Variants in CTNNA3 observed in about 807,000 individuals in gnomAD.
CTNNA3 encodes catenin alpha-3.
CTNNA3 carries 76 observed loss-of-function variants against 95.7 expected under a neutral mutation model. The observed-to-expected ratio is 0.79, with a 90% confidence interval of 0.66 to 0.96. CTNNA3 has a LOEUF of 0.96. Among genes scored for constraint, CTNNA3 ranks in the 40% least tolerant of loss-of-function variants. The pLI is 0.00. For synonymous variants in CTNNA3, 431 were observed against 374.4 expected, an observed-to-expected ratio of 1.15 and a Z score of -1.74; for missense variants, 1,191 against 1,089.8, an observed-to-expected ratio of 1.09 and a Z score of -1.31.
intron 15 of CTNNA3, among the ~76,000 whole-genome samples, chr10:65,992,461 A>G (rs2078564778): frequency 6.6e-6 from 1 of 151,760 alleles, no homozygotes; most frequent in Admixed American, 6.6e-5. Context: ...TTTTTTCCAC[A>G]CTTGATCTTC....
chr10:65,965,848 T>A (rs985122687), intron 17 of CTNNA3, among the ~76,000 whole-genome samples: 6 of 152,202 alleles, frequency 3.9e-5, no homozygotes, highest in Non-Finnish European at 7.4e-5. Context: ...TTAAAAAAAA[T>A]TTTCTCAGAA....
chr10:66,163,200 C>T (rs892101861), intron 13 of CTNNA3, among the ~76,000 whole-genome samples: 2 of 152,118 alleles, frequency 1.3e-5, no homozygotes, highest in African/African-American at 2.4e-5. Flanking sequence ...ACAGGATTTG[C>T]ACCCTCTCCC....
At chr10:66,136,975 C>A (rs2083389434) in intron 13 of CTNNA3, among the ~76,000 whole-genome samples, 1 of 152,128 alleles carries the variant, frequency 6.6e-6, no homozygotes, top group African/African-American at 2.4e-5. Context: ...GTGCGTGCCA[C>A]CATGCCCAGC....
At chr10:67,447,121 T>TA (rs1055705901) in intron 5 of CTNNA3, among the ~76,000 whole-genome samples, 7 of 151,878 alleles carry the variant, frequency 4.6e-5, no homozygotes, top group East Asian at 3.9e-4. Context: ...TAAAAAACAA[T>TA]AAAAAAAATG....
chr10:67,455,411 A>G (rs1752319436), intron 5 of CTNNA3, among the ~76,000 whole-genome samples: 1 of 152,178 alleles, frequency 6.6e-6, no homozygotes, highest in African/African-American at 2.4e-5. Context: ...CTCCCCCTCC[A>G]GGAAGAGGAG....
chr10:67,628,861 C>CT (rs904916243), intron 2 of CTNNA3, among the ~76,000 whole-genome samples: 7 of 151,058 alleles, frequency 4.6e-5, no homozygotes, highest in South Asian at 2.1e-4. Context: ...TATTCTGATG[C>CT]TTTTTTTTTC....
At chr10:66,957,905 C>T (rs892854465) in intron 7 of CTNNA3, among the ~76,000 whole-genome samples, 1 of 152,034 alleles carries the variant, frequency 6.6e-6, no homozygotes, top group African/African-American at 2.4e-5. Flanking sequence ...TGGACTTACG[C>T]ATATGAACCC....
intron 5 of CTNNA3, among the ~76,000 whole-genome samples, chr10:67,431,348 G>A (rs536416517): frequency 1.3e-5 from 2 of 152,032 alleles, no homozygotes; most frequent in Admixed American, 1.3e-4. Context: ...CTCAGAATCA[G>A]AGTATCTGCT....
At chr10:65,931,965 T>C (rs2077260070) in intron 17 of CTNNA3, among the ~76,000 whole-genome samples, 1 of 152,188 alleles carries the variant, frequency 6.6e-6, no homozygotes, top group South Asian at 2.1e-4. Flanking sequence ...CAAGAAGCCA[T>C]GTGTGGTTTT....
chr10:67,057,348 C>G (rs186324217), intron 7 of CTNNA3, among the ~76,000 whole-genome samples: 214 of 152,132 alleles, frequency 1.4e-3, no homozygotes, highest in South Asian at 7.3e-3. Context: ...TAACTATAGT[C>G]ACCATGCTGT....
At chr10:66,865,213 C>CGT (rs3055786) in intron 7 of CTNNA3, among the ~76,000 whole-genome samples, 21,149 of 143,802 alleles carry the variant, frequency 0.15, 1,647 homozygotes, top group East Asian at 0.29. Flanking sequence ...TGTGTGTGTG[C>CGT]GTGTGTGTGT....
At position 66,957,414 on chromosome 10, in the gene CTNNA3, G is replaced by A. The variant is rs1452874095; in HGVS notation, c.1048-181890C>T. Among the ~76,000 whole-genome samples, 16 of 25,270 alleles carry A rather than the reference G, an allele frequency of 6.3e-4. No individual in the cohort carries two copies. The East Asian group carries it at 0.01, about 16-fold the overall frequency. The allele number at this position is 25,270 out of a possible 152,430, so 16.6% of individuals were successfully genotyped here. A position where few individuals can be genotyped will look rare whatever the true frequency, so the allele number is the denominator to read the frequency against. ...TATACATATATATATATATATATAT[G>A]CATATATATATATGCATATATATAT... On this transcript the variant is annotated intron_variant, in intron 7 of 17. Coordinates refer to ENST00000433211, the MANE Select transcript of CTNNA3 (RefSeq NM_013266.4).
chr10:66,895,256 G>A (rs956564203), intron 7 of CTNNA3, among the ~76,000 whole-genome samples: 1 of 151,928 alleles, frequency 6.6e-6, no homozygotes, highest in Non-Finnish European at 1.5e-5. Flanking sequence ...GTGTGAGACA[G>A]GAGGCATGAA....
intron 7 of CTNNA3, among the ~76,000 whole-genome samples, chr10:66,911,500 A>AT (rs1322932727): frequency 1.3e-5 from 2 of 152,192 alleles, no homozygotes; most frequent in African/African-American, 4.8e-5. Flanking sequence ...GAAAAAAGTT[A>AT]TATAAAGTGT....
Position 67,265,085 on chromosome 10 carries a change from C to A in CTNNA3, c.580-45215G>T, listed in dbSNP as rs77384173. Reference sequence around the variant, plus strand: ...TAAGTTGTGTTCCCAACCTGGCAAACCCTGTACACCAGCTCATCTGTTCTA... The same window carrying A: ...TAAGTTGTGTTCCCAACCTGGCAAAACCTGTACACCAGCTCATCTGTTCTA... On this transcript the variant is annotated intron_variant, in intron 5 of 17. Coordinates refer to ENST00000433211, the MANE Select transcript of CTNNA3 (RefSeq NM_013266.4). Among the ~76,000 whole-genome samples the A allele has an allele frequency of 1.6e-4, 25 of 152,234 alleles. No individual in the cohort carries two copies. In the East Asian group the frequency reaches 4.6e-3, roughly 28 times the overall value.
intron 9 of CTNNA3, among the ~76,000 whole-genome samples, chr10:66,690,270 T>C (rs537453630): frequency 6.6e-6 from 1 of 152,278 alleles, no homozygotes; most frequent in Non-Finnish European, 1.5e-5. Context: ...TATTTACAGA[T>C]ACTTAAATTT....
At chr10:67,374,527 C>T (rs1323672289) in intron 5 of CTNNA3, among the ~76,000 whole-genome samples, 1 of 152,254 alleles carries the variant, frequency 6.6e-6, no homozygotes, top group East Asian at 1.9e-4. Flanking sequence ...ATCAGATTTA[C>T]TTCTTTTATA....
chr10:66,069,594 C>A lies in CTNNA3; in HGVS notation c.1978-105G>T, dbSNP rs553255870. On this transcript the variant is annotated intron_variant, in intron 14 of 17. Transcript: ENST00000433211. ...CTCATAAAACTTGTTCATTTAAAATCAGAGGCACAATATAGTTAAATTCAT... is the reference window on the plus strand; with the variant it reads ...CTCATAAAACTTGTTCATTTAAAATAAGAGGCACAATATAGTTAAATTCAT... 199 of 800,638 alleles carry A rather than the reference C, an allele frequency of 2.5e-4. No individual in the cohort carries two copies. The African/African-American group carries it at 3.1e-3, about 12-fold the overall frequency. 49.6% of individuals were successfully genotyped at this position (800,638 alleles called of 1,614,324 possible). A position where few individuals can be genotyped will look rare whatever the true frequency, so the allele number is the denominator to read the frequency against.
chr10:66,616,150 G>A (rs1417368192), intron 10 of CTNNA3, among the ~76,000 whole-genome samples: 2 of 151,922 alleles, frequency 1.3e-5, no homozygotes, highest in Non-Finnish European at 2.9e-5. Context: ...ATCCATTAGA[G>A]GATCTAAGGA....
Sources: gnomAD v4.1 joint callset for allele counts (sites outside exome capture counted in the v4.1 genomes callset) on GRCh38, gnomAD v4.1.1 for gene constraint, MANE v1.5 for transcripts, NCBI Gene and HGNC (gene_info 2026-07-23, HGNC 2026-07-21) for gene names.